Variants in SH3GL2 observed in about 807,000 individuals in gnomAD.
SH3GL2 encodes the protein SH3 domain containing GRB2 like 2, endophilin A1.
Under a neutral mutation model 46.0 loss-of-function variants are expected in SH3GL2, and 24 were observed. That is an observed-to-expected ratio of 0.52 (90% confidence interval 0.38 to 0.73). SH3GL2 has a LOEUF of 0.73. Ranked by LOEUF, SH3GL2 falls within the 30% of genes least tolerant of loss-of-function variation. The pLI is 0.00. For missense variants in SH3GL2, 413 were observed against 424.2 expected (o/e 0.97, Z 0.23); for synonymous variants, 196 against 147.1 (o/e 1.33, Z -2.40).
At chr9:17,603,917 T>C (rs1818715046) in intron 1 of SH3GL2, among the ~76,000 whole-genome samples, 1 of 152,156 alleles carries the variant, frequency 6.6e-6, no homozygotes, top group Admixed American at 6.5e-5. Flanking sequence ...CACTGAATTA[T>C]ATATACACTT....
intron 3 of SH3GL2, among the ~76,000 whole-genome samples, chr9:17,767,371 C>G (rs1823346784): frequency 1.3e-5 from 2 of 152,210 alleles, no homozygotes. Flanking sequence ...GAAAGATACT[C>G]TATTAAAATT....
chr9:17,626,155 A>G (rs1267310000), intron 1 of SH3GL2, among the ~76,000 whole-genome samples: 8 of 152,172 alleles, frequency 5.3e-5, no homozygotes, highest in African/African-American at 1.9e-4. Context: ...GTGGGAGCCC[A>G]TGTTTGTGCC....
At chr9:17,750,888 C>T (rs3808681) in intron 2 of SH3GL2, among the ~76,000 whole-genome samples, 61,606 of 151,986 alleles carry the variant, frequency 0.41, 13,842 homozygotes, top group East Asian at 0.79. Flanking sequence ...AAAAATTGTA[C>T]GTAAATCAGT....
intron 1 of SH3GL2, among the ~76,000 whole-genome samples, chr9:17,618,638 A>G (rs919766487): frequency 2.0e-5 from 3 of 152,210 alleles, no homozygotes; most frequent in African/African-American, 7.2e-5. Context: ...GTGCTGGCCT[A>G]GACCTGGCTT....
intron 1 of SH3GL2, among the ~76,000 whole-genome samples, chr9:17,669,196 A>C (rs1444851371): frequency 6.6e-6 from 1 of 152,152 alleles, no homozygotes; most frequent in Non-Finnish European, 1.5e-5. Context: ...CCCCAGTGGT[A>C]ACATCTTGAA....
intron 1 of SH3GL2, among the ~76,000 whole-genome samples, chr9:17,613,427 A>T (rs991919002): frequency 6.6e-6 from 1 of 152,184 alleles, no homozygotes; most frequent in Non-Finnish European, 1.5e-5. Context: ...GTTTAGATAA[A>T]TAACAACAAT....
chr9:17,754,965 G>C (rs1272584274), intron 2 of SH3GL2, among the ~76,000 whole-genome samples: 1 of 152,096 alleles, frequency 6.6e-6, no homozygotes, highest in Non-Finnish European at 1.5e-5. Flanking sequence ...TTCCTACTTG[G>C]ATGTGCTTTA....
chr9:17,658,036 T>C (rs1475101722), intron 1 of SH3GL2, among the ~76,000 whole-genome samples: 15 of 152,208 alleles, frequency 9.9e-5, no homozygotes, highest in Non-Finnish European at 4.4e-5. Flanking sequence ...CCACTGCAGA[T>C]AGGAACTTAT....
At chr9:17,613,251 G>T (rs1479601799) in intron 1 of SH3GL2, among the ~76,000 whole-genome samples, 1 of 152,166 alleles carries the variant, frequency 6.6e-6, no homozygotes, top group Non-Finnish European at 1.5e-5. Context: ...TTCAATTAAA[G>T]AAGCAAAACA....
At chr9:17,659,908 C>T (rs1443028305) in intron 1 of SH3GL2, among the ~76,000 whole-genome samples, 1 of 152,142 alleles carries the variant, frequency 6.6e-6, no homozygotes, top group African/African-American at 2.4e-5. Context: ...TGACTTTTGG[C>T]TGGAATTTAC....
At chr9:17,770,523 C>A (rs756293335) in intron 3 of SH3GL2, among the ~76,000 whole-genome samples, 1 of 151,662 alleles carries the variant, frequency 6.6e-6, no homozygotes, top group Non-Finnish European at 1.5e-5. Context: ...GTAGATGGAA[C>A]CTGTGACTTG....
chr9:17,625,866 C>G (rs1191128553), intron 1 of SH3GL2, among the ~76,000 whole-genome samples: 1 of 152,218 alleles, frequency 6.6e-6, no homozygotes, highest in Non-Finnish European at 1.5e-5. Context: ...TTTGTGTCTT[C>G]ATGGGAAACC....
chr9:17,768,114 A>G (rs1012669178), intron 3 of SH3GL2, among the ~76,000 whole-genome samples: 3 of 152,070 alleles, frequency 2.0e-5, no homozygotes, highest in Non-Finnish European at 2.9e-5. Flanking sequence ...GCTCACGCCT[A>G]TAATCCCAGC....
chr9:17,722,504 T>A (rs1239059731), intron 1 of SH3GL2, among the ~76,000 whole-genome samples: 2 of 148,132 alleles, frequency 1.4e-5, no homozygotes, highest in African/African-American at 2.4e-5. Context: ...GCAGTAAAAT[T>A]TTTTTTTCTT....
chr9:17,761,503 A>G lies in SH3GL2; in HGVS notation c.181A>G (p.Asn61Asp). ...TAAAACAATTGAATACCTTCAACCCAATCCAGGTAAGGCATCATCTTATAT... is the reference window on the plus strand; with the variant it reads ...TAAAACAATTGAATACCTTCAACCCGATCCAGGTAAGGCATCATCTTATAT... ...MTKTIEYLQP[N>D]PASRAKLSMI... The change falls in exon 3 of 9, where the codon AAT (asparagine) becomes GAT (aspartate). Residue 61 changes from asparagine (N) to aspartate (D), a missense_variant. Asn to Asp is a conservative substitution (Grantham distance 23). Coordinates refer to ENST00000380607, the MANE Select transcript of SH3GL2 (RefSeq NM_003026.5). 1 of 1,577,612 alleles carries G rather than the reference A, an allele frequency of 6.3e-7. No homozygotes were observed. The highest frequency in any genetic ancestry group is 8.7e-7 in the Non-Finnish European group (1 of 1,146,630).
At chr9:17,707,690 G>T (rs56668669) in intron 1 of SH3GL2, among the ~76,000 whole-genome samples, 14,355 of 151,988 alleles carry the variant, frequency 0.094, 2,224 homozygotes, top group African/African-American at 0.33. Context: ...AGATATGTTT[G>T]GGCAAAGGAG....
intron 1 of SH3GL2, among the ~76,000 whole-genome samples, chr9:17,730,275 T>A (rs1347588122): frequency 6.6e-6 from 1 of 152,142 alleles, no homozygotes; most frequent in Admixed American, 6.6e-5. Flanking sequence ...TATTGGTGTA[T>A]GGGAATGTTT....
chr9:17,623,404 G>T (rs977808952), intron 1 of SH3GL2, among the ~76,000 whole-genome samples: 1 of 152,064 alleles, frequency 6.6e-6, no homozygotes, highest in Admixed American at 6.6e-5. Context: ...ATTCTATATA[G>T]GGTAGTGTGT....
chr9:17,631,157 C>G lies in SH3GL2; in HGVS notation c.45+51870C>G, dbSNP rs114981207. On this transcript the variant is annotated intron_variant, in intron 1 of 8. Coordinates refer to ENST00000380607, the MANE Select transcript of SH3GL2 (RefSeq NM_003026.5). ...AAACCCGCAATTATTTTTGCACCAA[C>G]CTAATATTAAGTTTTATATTTCACA... Among the ~76,000 whole-genome samples, 860 of 152,278 alleles carry G rather than the reference C, an allele frequency of 5.6e-3. 7 individuals are homozygous for G. The highest frequency in any genetic ancestry group is 0.02 in the African/African-American group (829 of 41,550).
Sources: gnomAD v4.1 joint callset for allele counts (sites outside exome capture counted in the v4.1 genomes callset) on GRCh38, gnomAD v4.1.1 for gene constraint, MANE v1.5 for transcripts, NCBI Gene and HGNC (gene_info 2026-07-23, HGNC 2026-07-21) for gene names.